Variants in NR2F1-AS1 observed in about 807,000 individuals in gnomAD.
NR2F1-AS1 encodes NR2F1 regulatory antisense RNA 1, also known as NR2F1 antisense RNA 1.
At chr5:93,494,064 T>C (rs1561467289) in intron 4 of NR2F1-AS1, among the ~76,000 whole-genome samples, 1 of 152,190 alleles carries the variant, frequency 6.6e-6, no homozygotes, top group Non-Finnish European at 1.5e-5. Flanking sequence ...ATTTTGCAAT[T>C]ATATCTGATA....
chr5:93,449,587 A>G (rs561324620), intron 4 of NR2F1-AS1, among the ~76,000 whole-genome samples: 1 of 152,346 alleles, frequency 6.6e-6, no homozygotes, highest in East Asian at 1.9e-4. Context: ...TATTATGATT[A>G]TAGAAATTAA....
At chr5:93,566,162 C>A (rs1310213071) in intron 1 of NR2F1-AS1, among the ~76,000 whole-genome samples, 1 of 151,822 alleles carries the variant, frequency 6.6e-6, no homozygotes, top group African/African-American at 2.4e-5. Flanking sequence ...AATTTTCCAA[C>A]AAGAAAGTAC....
chr5:93,512,319 A>G (rs958742440), intron 4 of NR2F1-AS1, among the ~76,000 whole-genome samples: 126 of 152,100 alleles, frequency 8.3e-4, no homozygotes, highest in Non-Finnish European at 1.6e-4. Flanking sequence ...GAATAAGGAA[A>G]TGAATGACTT....
At chr5:93,455,387 A>C (rs1749924587) in intron 4 of NR2F1-AS1, among the ~76,000 whole-genome samples, 2 of 152,190 alleles carry the variant, frequency 1.3e-5, no homozygotes, top group African/African-American at 4.8e-5. Flanking sequence ...CCCCAGAGCA[A>C]TCACTAGTAA....
In NR2F1-AS1 at chr5:93,579,902, A is replaced by G. The variant is rs1243333072; in HGVS notation, n.313+565T>C. ...ATGTCCCTTTTAATCCGCTGACACT[A>G]TCGCCCACATCAGACAGGCAGCCAT... On this transcript the variant is annotated intron_variant and non_coding_transcript_variant, in intron 1 of 5. Coordinates refer to ENST00000660523, the Ensembl canonical transcript of NR2F1-AS1. This position sits in a 1 kb window ranked among gnomAD's most constrained non-coding sequence, Gnocchi z 5.1. 2.0e-5 allele frequency among the ~76,000 whole-genome samples: 3 copies of G among 152,136 alleles called. No homozygotes were observed. The highest frequency in any genetic ancestry group is 4.4e-5 in the Non-Finnish European group (3 of 68,026).
At chr5:93,445,580 T>C (rs1262624856) in intron 4 of NR2F1-AS1, among the ~76,000 whole-genome samples, 4 of 150,500 alleles carry the variant, frequency 2.7e-5, no homozygotes, top group African/African-American at 9.8e-5. Flanking sequence ...AAAAAAAAAA[T>C]CCAAGACCAG....
chr5:93,422,106 G>A (rs762830891), intron 4 of NR2F1-AS1: 1 of 152,158 alleles, frequency 6.6e-6, no homozygotes, highest in African/African-American at 2.4e-5. Context: ...AACATCTGAC[G>A]AGGCGAATCA....
intron 4 of NR2F1-AS1, chr5:93,410,025 AC>A (rs1748820395): frequency 6.6e-6 from 1 of 152,240 alleles, no homozygotes; most frequent in Non-Finnish European, 1.5e-5. Context: ...GCTCATACAT[AC>A]TAAAATGTGT....
chr5:93,492,845 A>AT (rs1200798711), intron 4 of NR2F1-AS1, among the ~76,000 whole-genome samples: 4 of 149,584 alleles, frequency 2.7e-5, no homozygotes, highest in Non-Finnish European at 5.9e-5. Context: ...TCATTTCATG[A>AT]TAAAAAAAAA....
chr5:93,540,754 C>CA (rs1189821627), intron 4 of NR2F1-AS1, among the ~76,000 whole-genome samples: 1 of 151,802 alleles, frequency 6.6e-6, no homozygotes, highest in African/African-American at 2.4e-5. Flanking sequence ...AACACACACA[C>CA]AAAAAAACAC....
At chr5:93,563,903 C>A (rs1349436562) in intron 1 of NR2F1-AS1, among the ~76,000 whole-genome samples, 1 of 151,814 alleles carries the variant, frequency 6.6e-6, no homozygotes, top group African/African-American at 2.4e-5. Context: ...GAGTTTGACA[C>A]CAGCCTGGCT....
At chr5:93,522,090 A>AG (rs1231057681) in intron 4 of NR2F1-AS1, among the ~76,000 whole-genome samples, 1 of 152,244 alleles carries the variant, frequency 6.6e-6, no homozygotes, top group Non-Finnish European at 1.5e-5. Flanking sequence ...TATGATCCTT[A>AG]GCAAACGAAT....
chr5:93,484,386 C>A (rs902811963), intron 4 of NR2F1-AS1, among the ~76,000 whole-genome samples: 1 of 152,158 alleles, frequency 6.6e-6, no homozygotes, highest in Non-Finnish European at 1.5e-5. Context: ...AAATCCTTTA[C>A]AGACAAGCAA....
intron 4 of NR2F1-AS1, among the ~76,000 whole-genome samples, chr5:93,519,318 C>A (rs1248910035): frequency 4.6e-5 from 7 of 152,036 alleles, no homozygotes; most frequent in Non-Finnish European, 8.8e-5. Flanking sequence ...AATATTTTAA[C>A]TTCTCTTTCT....
chr5:93,427,868 C>A lies in NR2F1-AS1; in HGVS notation n.639-32326G>T, dbSNP rs144396953. ...ATCAAAGGCTGAACTCTTCTTCATT[C>A]TTTTCCCTCCCCATTATGAGAGCAT... is the stretch of plus-strand genomic sequence containing the variant. On this transcript the variant is annotated intron_variant and non_coding_transcript_variant, in intron 4 of 5. Coordinates refer to ENST00000660523, the Ensembl canonical transcript of NR2F1-AS1. 2.1e-3 allele frequency among the ~76,000 whole-genome samples: 320 copies of A among 152,176 alleles called. 2 individuals carry two copies. Among genetic ancestry groups the A allele is most frequent in the African/African-American group, 7.4e-3 (309 of 41,502 alleles).
At chr5:93,427,197 GAACAC>G (rs1298670386) in intron 4 of NR2F1-AS1, among the ~76,000 whole-genome samples, 1 of 151,928 alleles carries the variant, frequency 6.6e-6, no homozygotes, top group Non-Finnish European at 1.5e-5. Context: ...AAAATTTAAA[GAACAC>G]TACAAAACAC....
chr5:93,522,682 C>T (rs1751526811), intron 4 of NR2F1-AS1, among the ~76,000 whole-genome samples: 1 of 151,530 alleles, frequency 6.6e-6, no homozygotes, highest in African/African-American at 2.4e-5. Flanking sequence ...ACAGTGGGTG[C>T]AGCCCACAGA....
At chr5:93,434,890 T>C (rs1749402075) in intron 4 of NR2F1-AS1, among the ~76,000 whole-genome samples, 1 of 152,252 alleles carries the variant, frequency 6.6e-6, no homozygotes, top group Non-Finnish European at 1.5e-5. Context: ...GTTGTGTTCT[T>C]CTCAGTGAAT....
intron 1 of NR2F1-AS1, among the ~76,000 whole-genome samples, chr5:93,567,287 C>CT (rs1197177698): frequency 6.6e-6 from 1 of 151,958 alleles, no homozygotes; most frequent in African/African-American, 2.4e-5. Flanking sequence ...ATGGAACAAA[C>CT]ATTACAAATG....
Sources: allele counts gnomAD v4.1 joint callset (sites outside exome capture counted in the v4.1 genomes callset), GRCh38; gene constraint gnomAD v4.1.1; non-coding constraint Gnocchi (gnomAD v3.1); transcripts MANE v1.5; gene names NCBI Gene and HGNC (gene_info 2026-07-23, HGNC 2026-07-21).